B3GALT1: variants seen among roughly 807,000 people sequenced by gnomAD.
B3GALT1 encodes the protein UDP-Gal:betaGlcNAc beta 1,3-galactosyltransferase, polypeptide 1.
A neutral mutation model predicts 23.2 loss-of-function variants in B3GALT1; 10 were observed. That is an observed-to-expected ratio of 0.43 (90% CI 0.27 to 0.73). B3GALT1 has a LOEUF of 0.73. Ranked by LOEUF, B3GALT1 falls within the 30% of genes least tolerant of loss-of-function variation. The pLI is 0.21. For missense variants in B3GALT1, 299 were observed against 405.4 expected, an observed-to-expected ratio of 0.74 and a Z score of 2.25; for synonymous variants, 156 against 141.5, an observed-to-expected ratio of 1.10 and a Z score of -0.73.
chr2:167,427,087 G>C (rs926869016), intron 1 of B3GALT1, among the ~76,000 whole-genome samples: 1 of 152,136 alleles, frequency 6.6e-6, no homozygotes, highest in Admixed American at 6.5e-5. Flanking sequence ...AAACTGAAAA[G>C]TACAAAGGGA....
chr2:167,834,999 T>C (rs1689428346), intron 4 of B3GALT1, among the ~76,000 whole-genome samples: 1 of 152,188 alleles, frequency 6.6e-6, no homozygotes, highest in Non-Finnish European at 1.5e-5. Context: ...ACTTGATAGA[T>C]ACGCCTATGT....
intron 1 of B3GALT1, among the ~76,000 whole-genome samples, chr2:167,343,049 G>A (rs992780941): frequency 1.3e-5 from 2 of 152,166 alleles, no homozygotes; most frequent in African/African-American, 2.4e-5. Flanking sequence ...TTGAGTGTCT[G>A]TGAACATTAT....
At chr2:167,700,908 A>G (rs747693609) in intron 3 of B3GALT1, among the ~76,000 whole-genome samples, 4 of 152,156 alleles carry the variant, frequency 2.6e-5, no homozygotes, top group Non-Finnish European at 5.9e-5. Flanking sequence ...GACATTTGTA[A>G]TCACATAGGA....
At position 167,726,920 on chromosome 2, in the gene B3GALT1, C is replaced by A. The variant is rs117174685; in HGVS notation, c.-352+79954C>A. Among the ~76,000 whole-genome samples the A allele has an allele frequency of 2.6e-3, 394 of 152,312 alleles. 14 individuals are homozygous for A. The East Asian group carries it at 0.063, about 24-fold the overall frequency. ...CACTTCATCATTTTTATGTCACATGCTCATTCACCCTTGACCAAGGCTAGG... is the reference window on the plus strand; with the variant it reads ...CACTTCATCATTTTTATGTCACATGATCATTCACCCTTGACCAAGGCTAGG... On this transcript the variant is annotated intron_variant, in intron 3 of 4. Transcript: ENST00000392690.
chr2:167,401,836 C>G (rs1200904068), intron 1 of B3GALT1, among the ~76,000 whole-genome samples: 1 of 152,158 alleles, frequency 6.6e-6, no homozygotes, highest in Non-Finnish European at 1.5e-5. Context: ...GCTAATACTT[C>G]TTAGGACACA....
intron 2 of B3GALT1, among the ~76,000 whole-genome samples, chr2:167,598,201 C>G (rs1684812853): frequency 6.6e-6 from 1 of 151,790 alleles, no homozygotes; most frequent in South Asian, 2.1e-4. Flanking sequence ...AAATATATAG[C>G]CAGAGAAATC....
intron 3 of B3GALT1, among the ~76,000 whole-genome samples, chr2:167,666,064 C>A (rs544443056): frequency 9.3e-5 from 14 of 151,206 alleles, no homozygotes; most frequent in African/African-American, 2.9e-4. Flanking sequence ...TAGGATATTT[C>A]CTGCTTTCTC....
chr2:167,440,159 T>C (rs1056941390), intron 1 of B3GALT1, among the ~76,000 whole-genome samples: 13 of 151,746 alleles, frequency 8.6e-5, no homozygotes, highest in African/African-American at 1.9e-4. Flanking sequence ...CTGGCTAACA[T>C]GGTGAAACCC....
intron 2 of B3GALT1, among the ~76,000 whole-genome samples, chr2:167,493,228 T>G (rs1270891232): frequency 6.6e-6 from 1 of 152,196 alleles, no homozygotes; most frequent in Non-Finnish European, 1.5e-5. Flanking sequence ...GTATGTTTGA[T>G]GCATGCTTTA....
intron 2 of B3GALT1, among the ~76,000 whole-genome samples, chr2:167,560,344 C>G (rs971830894): frequency 1.3e-5 from 2 of 152,000 alleles, no homozygotes; most frequent in Non-Finnish European, 2.9e-5. Context: ...CCAGCAGCTG[C>G]AAAATCATGC....
At chr2:167,442,567 C>T (rs1398717221) in intron 1 of B3GALT1, among the ~76,000 whole-genome samples, 1 of 151,720 alleles carries the variant, frequency 6.6e-6, no homozygotes. Flanking sequence ...GAATGATTGC[C>T]ATTCTAACTG....
intron 3 of B3GALT1, among the ~76,000 whole-genome samples, chr2:167,774,497 G>GTTTTTTTTTTTTTTTTTTTTTTTTTTTT (rs397986581): frequency 7.2e-5 from 6 of 82,998 alleles, no homozygotes; most frequent in South Asian, 4.8e-4. Flanking sequence ...TTTTTTTTTT[G>GTTTTTTTTTTTTTTTTTTTTTTTTTTTT]TTTTTTTTTT....
At chr2:167,323,858 C>T (rs954948717) in intron 1 of B3GALT1, among the ~76,000 whole-genome samples, 6 of 151,052 alleles carry the variant, frequency 4.0e-5, no homozygotes, top group African/African-American at 1.5e-4. Flanking sequence ...TTTCTTAACT[C>T]GAGGAGTTGT....
intron 3 of B3GALT1, among the ~76,000 whole-genome samples, chr2:167,805,759 T>C (rs1258157080): frequency 3.9e-5 from 6 of 152,210 alleles, no homozygotes; most frequent in South Asian, 2.1e-4. Flanking sequence ...AGTCAGGTAG[T>C]GTGATGCCTC....
chr2:167,495,820 T>G (rs1699775979), intron 2 of B3GALT1, among the ~76,000 whole-genome samples: 1 of 152,150 alleles, frequency 6.6e-6, no homozygotes, highest in African/African-American at 2.4e-5. Context: ...ATGTTTCGTA[T>G]GGTGAAGGGA....
intron 3 of B3GALT1, among the ~76,000 whole-genome samples, chr2:167,743,996 T>G (rs1458407364): frequency 6.6e-6 from 1 of 152,172 alleles, no homozygotes; most frequent in African/African-American, 2.4e-5. Context: ...TAATTTCCAC[T>G]AAAAAGGTTT....
At chr2:167,825,709 G>A (rs962090847) in intron 4 of B3GALT1, among the ~76,000 whole-genome samples, 2 of 152,002 alleles carry the variant, frequency 1.3e-5, no homozygotes, top group South Asian at 2.1e-4. Flanking sequence ...TCCAGCTCCT[G>A]TAGAAATGAG....
chr2:167,601,677 G>A (rs573400736), intron 2 of B3GALT1, among the ~76,000 whole-genome samples: 65 of 152,254 alleles, frequency 4.3e-4, no homozygotes, highest in Middle Eastern at 3.4e-3. Flanking sequence ...GCAGCTAATC[G>A]AGTGGCAGAA....
chr2:167,825,209 G>C (rs896690651), intron 4 of B3GALT1, among the ~76,000 whole-genome samples: 1 of 150,548 alleles, frequency 6.6e-6, no homozygotes, highest in East Asian at 1.9e-4. Context: ...GCGTGAACCC[G>C]GGAGGCGAAG....
Sources: gnomAD v4.1 joint callset for allele counts (sites outside exome capture counted in the v4.1 genomes callset) on GRCh38, gnomAD v4.1.1 for gene constraint, MANE v1.5 for transcripts, NCBI Gene and HGNC (gene_info 2026-07-23, HGNC 2026-07-21) for gene names.